Variants in ANKRD44 observed in about 807,000 individuals in gnomAD.
The protein encoded by ANKRD44 is ankyrin repeat domain 44.
Under a neutral mutation model 116.0 loss-of-function variants are expected in ANKRD44, and 35 were observed. The observed-to-expected ratio is 0.30, with a 90% CI of 0.23 to 0.40. ANKRD44 has a LOEUF of 0.40. ANKRD44 is among the 10% of genes least tolerant of loss of function. ANKRD44 has a pLI of 1.00. For missense variants in ANKRD44, 1,014 were observed against 1,242.6 expected (o/e 0.82, Z 2.77); for synonymous variants, 435 against 461.8 (o/e 0.94, Z 0.74).
chr2:196,984,470 A>G (rs936056738), downstream of ANKRD44, among the ~76,000 whole-genome samples: 2 of 152,178 alleles, frequency 1.3e-5, no homozygotes, highest in Non-Finnish European at 1.5e-5. Context: ...TTTACCCACA[A>G]TGTTTTTATG....
At chr2:197,177,981 T>C (rs905028271) in intron 2 of ANKRD44, among the ~76,000 whole-genome samples, 1 of 152,236 alleles carries the variant, frequency 6.6e-6, no homozygotes, top group Non-Finnish European at 1.5e-5. Flanking sequence ...CTGGTTATTA[T>C]AAACCAGATA....
At chr2:197,259,492 G>A (rs182982577) in intron 1 of ANKRD44, among the ~76,000 whole-genome samples, 10 of 152,292 alleles carry the variant, frequency 6.6e-5, no homozygotes, top group Non-Finnish European at 1.2e-4. Context: ...AGCCCACCAT[G>A]ATTTCCCAGA....
chr2:197,086,487 G>A (rs2077926905), intron 13 of ANKRD44, among the ~76,000 whole-genome samples, 193 bp downstream of exon 13: 1 of 152,090 alleles, frequency 6.6e-6, no homozygotes, highest in South Asian at 2.1e-4. Flanking sequence ...GCAGCTGTGA[G>A]TGGAGATGCT....
chr2:197,063,595 G>A (rs554272946), intron 16 of ANKRD44, among the ~76,000 whole-genome samples: 1 of 152,336 alleles, frequency 6.6e-6, no homozygotes, highest in African/African-American at 2.4e-5. Context: ...AACCAGTGTA[G>A]AGAAGTCTTT....
intron 8 of ANKRD44, among the ~76,000 whole-genome samples, chr2:197,119,984 T>A (rs900666368): frequency 6.6e-6 from 1 of 152,206 alleles, no homozygotes; most frequent in Non-Finnish European, 1.5e-5. Context: ...CTGTTCTATC[T>A]GGAACACTCT....
chr2:197,224,711 G>C (rs2081662211), intron 1 of ANKRD44, among the ~76,000 whole-genome samples: 1 of 152,022 alleles, frequency 6.6e-6, no homozygotes, highest in African/African-American at 2.4e-5. Flanking sequence ...AGCCCCATAG[G>C]ATTTAAAATA....
intron 1 of ANKRD44, among the ~76,000 whole-genome samples, chr2:197,220,702 C>T (rs574592018): frequency 6.6e-6 from 1 of 152,168 alleles, no homozygotes; most frequent in Non-Finnish European, 1.5e-5. Flanking sequence ...CCACAGCAAT[C>T]AGTCTCAGAA....
chr2:197,151,509 T>A (rs1020780992), intron 2 of ANKRD44, among the ~76,000 whole-genome samples: 24 of 152,014 alleles, frequency 1.6e-4, no homozygotes, highest in Admixed American at 1.6e-3. Context: ...TACCAAAACA[T>A]GATGCTAGAC....
intron 7 of ANKRD44, among the ~76,000 whole-genome samples, chr2:197,121,752 A>G (rs2078860021): frequency 6.6e-6 from 1 of 152,228 alleles, no homozygotes; most frequent in African/African-American, 2.4e-5. Context: ...GTGGCAAAAA[A>G]TGAACTGGAG....
At chr2:197,254,268 C>T (rs2082388599) in intron 1 of ANKRD44, among the ~76,000 whole-genome samples, 1 of 152,098 alleles carries the variant, frequency 6.6e-6, no homozygotes, top group African/African-American at 2.4e-5. Context: ...CGGTGGGTGC[C>T]TGTAATCCCA....
intron 16 of ANKRD44, among the ~76,000 whole-genome samples, chr2:197,051,815 G>A (rs945835854): frequency 6.6e-6 from 1 of 152,106 alleles, no homozygotes; most frequent in Non-Finnish European, 1.5e-5. Flanking sequence ...AACGTTAAGT[G>A]GGGTGCTGGT....
At chr2:197,013,827 C>T (rs568019345) in intron 17 of ANKRD44, 115 bp from the exon 18 acceptor site, 300 of 997,372 alleles carry the variant, frequency 3.0e-4, no homozygotes, top group Non-Finnish European at 4.2e-4. Context: ...CCCAAGAGCA[C>T]GTCAGAAAAA....
chr2:196,972,012 C>A (rs1468451035), intron 21 of ANKRD44, among the ~76,000 whole-genome samples: 2 of 152,114 alleles, frequency 1.3e-5, no homozygotes, highest in Non-Finnish European at 1.5e-5. Context: ...TCAAGTGTAG[C>A]CAAGGAGTGT....
chr2:196,982,115 T>TATATAA (rs2075806050), downstream of ANKRD44, among the ~76,000 whole-genome samples: 1 of 120,198 alleles, frequency 8.3e-6, no homozygotes, highest in Non-Finnish European at 1.8e-5. Flanking sequence ...AAATTATATA[T>TATATAA]ATATATATAT....
At chr2:196,999,616 T>C (rs1056811663) in intron 23 of ANKRD44, among the ~76,000 whole-genome samples, 1 of 142,188 alleles carries the variant, frequency 7.0e-6, no homozygotes, top group Non-Finnish European at 1.6e-5. Context: ...ATTTTTGAGA[T>C]AGAGTCTCAC....
intron 21 of ANKRD44, among the ~76,000 whole-genome samples, chr2:196,973,337 T>C (rs1325575426): frequency 6.6e-6 from 1 of 152,098 alleles, no homozygotes; most frequent in African/African-American, 2.4e-5. Flanking sequence ...ATTATAGATA[T>C]TAAACTTTAA....
chr2:197,048,223 G>T (rs1372989936), intron 16 of ANKRD44, among the ~76,000 whole-genome samples: 1 of 151,924 alleles, frequency 6.6e-6, no homozygotes, highest in East Asian at 1.9e-4. Context: ...AAGTTCTAGG[G>T]TACATGTGCA....
intron 16 of ANKRD44, among the ~76,000 whole-genome samples, chr2:197,032,442 G>T (rs145237360): frequency 0.085 from 12,514 of 147,922 alleles, 685 homozygotes; most frequent in African/African-American, 0.16. Context: ...AGGCTGGAGT[G>T]CAGTGGTGCA....
At position 197,223,137 on chromosome 2, in the gene ANKRD44, T is replaced by C. The variant is rs917074334; in HGVS notation, c.28-36031A>G. On this transcript the variant is annotated intron_variant, in intron 1 of 27. Coordinates refer to ENST00000282272, the MANE Select transcript of ANKRD44 (RefSeq NM_001195144.2). The stretch of plus-strand genomic sequence containing the variant: ...TGATTTCTTTTTTATTATTAAACTA[T>C]GAAATAGTTGAAGCATACAAAACAG... 2.0e-5 allele frequency among the ~76,000 whole-genome samples: 3 copies of C among 152,124 alleles called. No individual in the cohort carries two copies. The South Asian group carries it at 6.2e-4, about 31-fold the overall frequency.
Sources: allele counts gnomAD v4.1 joint callset (sites outside exome capture counted in the v4.1 genomes callset), GRCh38; gene constraint gnomAD v4.1.1; transcripts MANE v1.5; gene names NCBI Gene and HGNC (gene_info 2026-07-23, HGNC 2026-07-21).